Variants in SAFB observed in about 807,000 individuals in gnomAD.
SAFB encodes scaffold attachment factor B1.
SAFB carries 15 observed loss-of-function variants against 101.6 expected under a neutral mutation model. That is an observed-to-expected ratio of 0.15 (90% CI 0.10 to 0.23). The LOEUF (loss-of-function observed/expected upper bound fraction) is 0.23, where lower values mean the gene tolerates loss of function less well. Among genes scored for constraint, SAFB ranks in the 10% least tolerant of loss-of-function variants. The pLI is 1.00. For synonymous variants in SAFB, 449 were observed against 407.5 expected, an observed-to-expected ratio of 1.10 and a Z score of -1.23; for missense variants, 930 against 1,104.1, an observed-to-expected ratio of 0.84 and a Z score of 2.23.
rs1407663754 is a variant in SAFB at position 5,654,362 on chromosome 19, C to T, written c.1667-6C>T. The stretch of plus-strand genomic sequence containing the variant: ...TCCACTTACACTTTCCCCGTCTTTT[C>T]TGTAGGAAGTCGAGGGACCGAACGG... On this transcript the variant is annotated splice_polypyrimidine_tract_variant and splice_region_variant and intron_variant, in intron 12 of 20. Transcript: ENST00000588852. The T allele has an allele frequency of 1.9e-6, 3 of 1,610,410 alleles. No individual in the cohort carries two copies. The African/African-American group carries it at 4.0e-5, about 22-fold the overall frequency.
chr19:5,623,807 C>T (rs989726530), intron 1 of SAFB: 1 of 165,634 alleles, frequency 6.0e-6, no homozygotes, highest in African/African-American at 2.4e-5. Context: ...GAACCCAGGC[C>T]CTGGGATTCC....
At chr19:5,656,012 C>T (rs536277179) in intron 13 of SAFB, among the ~76,000 whole-genome samples, 51 of 152,204 alleles carry the variant, frequency 3.4e-4, no homozygotes, top group South Asian at 1.4e-3. Context: ...TACTCATTTC[C>T]ATTTTTTCTC....
At position 5,648,019 on chromosome 19, in the gene SAFB, A is replaced by G; in HGVS notation, c.613A>G (p.Ile205Val). The stretch of plus-strand genomic sequence containing the variant: ...TTATTTACGTTTTTTCTTGCAGGAA[A>G]TTGAAGAGCCATCCCTGGAGCCAGG... ...SSSDFTILQE[I>V]EEPSLEPENE... Residue 205 changes from isoleucine to valine, a missense_variant, in exon 6 of 21, where the codon ATT becomes GTT. Ile to Val is a conservative substitution (Grantham distance 29). This residue lies in a region of SAFB where 130 missense variants were observed against 114.2 expected (regional missense o/e 1.14). Transcript: ENST00000588852. 1 of 1,613,658 alleles carries G rather than the reference A, an allele frequency of 6.2e-7. No individual in the cohort carries two copies. Among genetic ancestry groups the G allele is most frequent in the Non-Finnish European group, 8.5e-7 (1 of 1,179,600 alleles).
At chr19:5,647,763 G>C (rs947851835) in intron 5 of SAFB, among the ~76,000 whole-genome samples, 1 of 152,176 alleles carries the variant, frequency 6.6e-6, no homozygotes, top group Non-Finnish European at 1.5e-5. Flanking sequence ...GCGTGCTTAT[G>C]ATGAGTGCCT....
chr19:5,646,055 T>C (rs898858085), intron 5 of SAFB, among the ~76,000 whole-genome samples: 1 of 152,172 alleles, frequency 6.6e-6, no homozygotes, highest in Non-Finnish European at 1.5e-5. Flanking sequence ...TTTCCTTTTT[T>C]TTTCCAGCCT....
At chr19:5,626,939 G>A in intron 2 of SAFB, among the ~76,000 whole-genome samples, 1 of 152,084 alleles carries the variant, frequency 6.6e-6, no homozygotes, top group South Asian at 2.1e-4. Context: ...AGCTGCTTGG[G>A]AGGCTGAACC....
In SAFB at chr19:5,642,677, T is replaced by TTTTTTC. The variant is rs1162835303; in HGVS notation, c.546+731_546+732insTTTTTC. 1.4e-5 allele frequency among the ~76,000 whole-genome samples: 2 copies of TTTTTTC among 140,160 alleles called. 1 individual carries two copies. The highest frequency in any genetic ancestry group is 4.9e-4 in the South Asian group (2 of 4,108). The allele number at this position is 140,160 out of a possible 152,430, so 92.0% of individuals were successfully genotyped here. On this transcript the variant is annotated intron_variant, in intron 4 of 20. Transcript: ENST00000588852. ...TTTTTTTTTTTTTTTTTTTTTTTTTTCTGAGACAGAGTTTTGCTGTTGTTG... is the reference window on the plus strand; with the variant it reads ...TTTTTTTTTTTTTTTTTTTTTTTTTTTTTTTCCTGAGACAGAGTTTTGCTGTTGTTG...
chr19:5,643,278 T>C (rs2053760882), intron 4 of SAFB, among the ~76,000 whole-genome samples: 1 of 152,184 alleles, frequency 6.6e-6, no homozygotes, highest in Admixed American at 6.5e-5. Flanking sequence ...CTTGTCCTGG[T>C]CCTTAGGTCT....
At chr19:5,659,447 T>C (rs1052638937) in intron 14 of SAFB, among the ~76,000 whole-genome samples, 11 of 151,612 alleles carry the variant, frequency 7.3e-5, no homozygotes, top group African/African-American at 2.7e-4. Flanking sequence ...AGTGGCACGA[T>C]CTCAGCTCAC....
At chr19:5,654,733 A>G (rs1255031567) in intron 13 of SAFB, among the ~76,000 whole-genome samples, 1 of 151,898 alleles carries the variant, frequency 6.6e-6, no homozygotes, top group African/African-American at 2.4e-5. Context: ...ACAGGCGCAC[A>G]CCATTATCTT....
intron 15 of SAFB, among the ~76,000 whole-genome samples, chr19:5,662,704 G>T (rs374870181): frequency 6.7e-6 from 1 of 149,126 alleles, no homozygotes; most frequent in African/African-American, 2.5e-5. Flanking sequence ...GCAATGGCGC[G>T]ATCGCTGCTC....
chr19:5,660,113 C>T (rs2054161300), intron 14 of SAFB, among the ~76,000 whole-genome samples: 1 of 152,152 alleles, frequency 6.6e-6, no homozygotes, highest in Non-Finnish European at 1.5e-5. Flanking sequence ...CAGAAACACA[C>T]AGTTGTCCCA....
chr19:5,668,024 G>C, intron 20 of SAFB, 138 bp downstream of exon 20: 2 of 1,428,332 alleles, frequency 1.4e-6, no homozygotes, highest in Non-Finnish European at 1.9e-6. Context: ...GGGTACTGTG[G>C]AGGCTGCTGC....
At position 5,661,369 on chromosome 19, in the gene SAFB, CCTT is replaced by C. The variant is rs2054197964; in HGVS notation, c.1863-144_1863-142del. 4 of 1,410,002 alleles carry C rather than the reference CCTT, an allele frequency of 2.8e-6. No homozygotes were observed. In the African/African-American group the frequency reaches 5.8e-5, roughly 20 times the overall value. The allele number at this position is 1,410,002 out of a possible 1,614,324, so 87.3% of individuals were successfully genotyped here. A position where few individuals can be genotyped will look rare whatever the true frequency, so the allele number is the denominator to read the frequency against. Reference sequence around the variant, plus strand: ...GGGCTGCTCCTGTGGGCCCGAGAAGCCTTCTTCCCGCTGGAGTGTACGGTTCTG... The same window carrying C: ...GGGCTGCTCCTGTGGGCCCGAGAAGCCTTCCCGCTGGAGTGTACGGTTCTG... On this transcript the variant is annotated intron_variant, in intron 14 of 20. Transcript: ENST00000588852.
In SAFB at chr19:5,667,586, G is replaced by C. The variant is rs2054361909; in HGVS notation, c.2557+136G>C. On this transcript the variant is annotated intron_variant, in intron 19 of 20. Transcript: ENST00000588852. The surrounding 1 kb of genome is among the most constrained non-coding windows in gnomAD (Gnocchi z 4.0). ...GGAATGAGGAATGAAGAGCACTCCA[G>C]ACACCGCCTGCTCTCTGGTGGTCTG... 6.9e-6 allele frequency: 5 copies of C among 719,920 alleles called. No individual in the cohort carries two copies. In the African/African-American group the frequency reaches 7.2e-5, roughly 10 times the overall value. The allele number at this position is 719,920 out of a possible 1,614,324, so 44.6% of individuals were successfully genotyped here.
chr19:5,627,918 A>G lies in SAFB; in HGVS notation c.274+1429A>G, dbSNP rs768899586. 6.2e-4 allele frequency among the ~76,000 whole-genome samples: 95 copies of G among 152,024 alleles called. 1 individual carries two copies. Among genetic ancestry groups the G allele is most frequent in the Non-Finnish European group, 5.1e-4 (35 of 68,028 alleles). ...CTTGTTTATCTTTCTTTCCCCTTCA[A>G]TGGTTTAACTTGGTAACACTCAACT... On this transcript the variant is annotated intron_variant, in intron 2 of 20. Transcript: ENST00000588852.
rs759094055 is a variant in SAFB at position 5,653,194 on chromosome 19, A to G, written c.1373A>G (p.Glu458Gly). 6.2e-7 allele frequency: 1 copy of G among 1,614,056 alleles called. No homozygotes were observed. ...CYGFVTMSTA[E>G]EATKCINHLH... ...GGTTTTGTCACGATGTCCACAGCAG[A>G]AGAGGCCACAAAATGCATTAACCAC... Residue 458 changes from glutamate to glycine, a missense_variant, in exon 10 of 21, where the codon GAA (glutamate) becomes GGA (glycine). Coordinates refer to ENST00000588852, the MANE Select transcript of SAFB (RefSeq NM_001201338.2).
chr19:5,667,613 C>A lies in SAFB; in HGVS notation c.2557+163C>A. 1.4e-6 allele frequency: 1 copy of A among 702,650 alleles called. No homozygotes were observed. Among genetic ancestry groups the A allele is most frequent in the Non-Finnish European group, 2.4e-6 (1 of 411,654 alleles). 43.5% of individuals were successfully genotyped at this position (702,650 alleles called of 1,614,324 possible). A position where few individuals can be genotyped will look rare whatever the true frequency, so the allele number is the denominator to read the frequency against. On this transcript the variant is annotated intron_variant, in intron 19 of 20. Coordinates refer to ENST00000588852, the MANE Select transcript of SAFB (RefSeq NM_001201338.2). The surrounding 1 kb of genome is among the most constrained non-coding windows in gnomAD (Gnocchi z 4.0). ...CACCGCCTGCTCTCTGGTGGTCTGG[C>A]CCAGGAGTTGGACAGTGGGCGTTCC...
At chr19:5,634,381 AAAC>A (rs2145412132) in intron 2 of SAFB, among the ~76,000 whole-genome samples, 1 of 152,230 alleles carries the variant, frequency 6.6e-6, no homozygotes, top group South Asian at 2.1e-4. Context: ...AGGATATTGC[AAAC>A]AACAGAAAGT....
Sources: gnomAD v4.1 joint callset for allele counts (sites outside exome capture counted in the v4.1 genomes callset) on GRCh38, gnomAD v4.1.1 for gene constraint, gnomAD v4.1.1 regional missense constraint, Gnocchi (gnomAD v3.1) non-coding constraint, MANE v1.5 for transcripts, NCBI Gene and HGNC (gene_info 2026-07-23, HGNC 2026-07-21) for gene names.